The following LAMA3 variants were observed in gnomAD, a reference collection of about 807,000 sequenced individuals.
LAMA3 encodes laminin subunit alpha-3.
In LAMA3, 281 loss-of-function variants were observed where a neutral mutation model predicts 402.0. The observed-to-expected ratio is 0.70, with a 90% CI of 0.63 to 0.77. The LOEUF (loss-of-function observed/expected upper bound fraction) is 0.77. Ranked by LOEUF, LAMA3 falls within the 30% of genes least tolerant of loss-of-function variation. The pLI is 0.00. For synonymous variants in LAMA3, 1,431 were observed against 1,558.4 expected, an observed-to-expected ratio of 0.92 and a Z score of 1.93; for missense variants, 3,840 against 4,215.5, an observed-to-expected ratio of 0.91 and a Z score of 2.47.
At chr18:23,909,495 G>C (rs1168060548) in intron 55 of LAMA3, among the ~76,000 whole-genome samples, 200 bp downstream of exon 55, 1 of 152,100 alleles carries the variant, frequency 6.6e-6, no homozygotes, top group African/African-American at 2.4e-5. Flanking sequence ...TACATTATCT[G>C]GTATATCAGG....
At chr18:23,891,641 G>A (rs1029773224) in intron 42 of LAMA3, among the ~76,000 whole-genome samples, 1 of 152,206 alleles carries the variant, frequency 6.6e-6, no homozygotes, top group African/African-American at 2.4e-5. Context: ...AAGGATAAGG[G>A]TGTGGTCCTG....
intron 43 of LAMA3, 27 bp downstream of exon 43, chr18:23,894,375 C>CTT (rs745784927): frequency 6.3e-7 from 1 of 1,595,078 alleles, no homozygotes; most frequent in Non-Finnish European, 8.6e-7. Flanking sequence ...CCTCCTCCTC[C>CTT]TTTCCAAGTT....
chr18:23,878,342 G>A (rs1005291381), intron 39 of LAMA3, among the ~76,000 whole-genome samples: 1 of 152,176 alleles, frequency 6.6e-6, no homozygotes, highest in African/African-American at 2.4e-5. Flanking sequence ...TGGCCATGTG[G>A]CCGCCAGAGA....
At chr18:23,863,417 C>T (rs1279985861) in intron 35 of LAMA3, among the ~76,000 whole-genome samples, 1 of 152,196 alleles carries the variant, frequency 6.6e-6, no homozygotes, top group Non-Finnish European at 1.5e-5. Context: ...TGGACTCCAG[C>T]CTGGGCGACA....
chr18:23,929,571 C>T (rs911043647), intron 64 of LAMA3, among the ~76,000 whole-genome samples: 1 of 149,470 alleles, frequency 6.7e-6, no homozygotes, highest in Admixed American at 6.7e-5. Context: ...CTAGGAAGGC[C>T]GCCCCTCTCT....
In LAMA3 at chr18:23,918,204, C is replaced by T. The variant is rs1373945705; in HGVS notation, c.7923+1509C>T. ...TTGTCGAAGATCAGATGGTTGTAGG[C>T]GTGTGGCTTTATCTCTGGGCTCTCT... On this transcript the variant is annotated intron_variant, in intron 60 of 74. Transcript: ENST00000313654. This position sits in a 1 kb window ranked among gnomAD's most constrained non-coding sequence, Gnocchi z 4.1. 6.6e-6 allele frequency among the ~76,000 whole-genome samples: 1 copy of T among 152,042 alleles called. No homozygotes were observed. Among genetic ancestry groups the T allele is most frequent in the Non-Finnish European group, 1.5e-5 (1 of 68,000 alleles).
At chr18:23,915,973 T>A (rs1483153221) in intron 59 of LAMA3, among the ~76,000 whole-genome samples, 2 of 117,018 alleles carry the variant, frequency 1.7e-5, no homozygotes, top group Middle Eastern at 8.5e-3. Context: ...GCCACTGCAC[T>A]CCAGCCTGGG....
At chr18:23,856,896 C>G (rs1417263825) in intron 32 of LAMA3, among the ~76,000 whole-genome samples, 1 of 152,142 alleles carries the variant, frequency 6.6e-6, no homozygotes, top group Admixed American at 6.5e-5. Flanking sequence ...TAGGTTAGCC[C>G]CCAGTCTCTC....
intron 13 of LAMA3, among the ~76,000 whole-genome samples, chr18:23,812,015 A>C (rs1433453772): frequency 6.6e-6 from 1 of 151,990 alleles, no homozygotes; most frequent in African/African-American, 2.4e-5. Flanking sequence ...CTGGGATTAC[A>C]GGCATGTGCC....
chr18:23,751,107 T>C lies in LAMA3; in HGVS notation c.855+19T>C. On this transcript the variant is annotated intron_variant, in intron 5 of 74. Transcript: ENST00000313654. ...TCGGCGGGTGAGTAGTCAGAGCATTTGTTTTGTTACTTTATTTATTCATTT... is the reference window on the plus strand; with the variant it reads ...TCGGCGGGTGAGTAGTCAGAGCATTCGTTTTGTTACTTTATTTATTCATTT... The C allele has an allele frequency of 6.2e-7, 1 of 1,613,946 alleles. No individual in the cohort carries two copies. Among genetic ancestry groups the C allele is most frequent in the South Asian group, 1.1e-5 (1 of 91,074 alleles).
At chr18:23,837,349 C>A in intron 25 of LAMA3, 1 of 444,002 alleles carries the variant, frequency 2.3e-6, no homozygotes, top group Non-Finnish European at 4.1e-6. Flanking sequence ...TTCATTTCTA[C>A]TATTATAAAG....
chr18:23,720,166 G>A (rs1347379665), intron 2 of LAMA3, among the ~76,000 whole-genome samples: 2 of 152,148 alleles, frequency 1.3e-5, no homozygotes, highest in African/African-American at 4.8e-5. Flanking sequence ...GAAACATATT[G>A]CTGTGAGACC....
chr18:23,777,653 A>G lies in LAMA3; in HGVS notation c.1468+34A>G, dbSNP rs907606216. 6 of 1,432,212 alleles carry G rather than the reference A, an allele frequency of 4.2e-6. No homozygotes were observed. In the Admixed American group the frequency reaches 1.0e-4, roughly 24 times the overall value. The allele number at this position is 1,432,212 out of a possible 1,614,324, so 88.7% of individuals were successfully genotyped here. On this transcript the variant is annotated intron_variant, in intron 11 of 74. Coordinates refer to ENST00000313654, the MANE Select transcript of LAMA3 (RefSeq NM_198129.4). Reference sequence around the variant, plus strand: ...CCTCCCTTTTGGTTTAACTCCAGTGAAAATGTTATGCCCTTATTCTTTTCC... The same window carrying G: ...CCTCCCTTTTGGTTTAACTCCAGTGGAAATGTTATGCCCTTATTCTTTTCC...
intron 39 of LAMA3, among the ~76,000 whole-genome samples, chr18:23,877,058 A>C (rs2064745547): frequency 6.6e-6 from 1 of 152,146 alleles, no homozygotes; most frequent in Admixed American, 6.5e-5. Context: ...CAACAACAAC[A>C]ACAACAAACA....
intron 5 of LAMA3, 42 bp downstream of exon 5, chr18:23,751,130 T>C (rs867449484): frequency 1.9e-6 from 3 of 1,599,462 alleles, no homozygotes; most frequent in Admixed American, 1.7e-5. Flanking sequence ...TATTTATTCA[T>C]TTTTTTGGCT....
At chr18:23,695,397 A>T (rs774992800) in intron 1 of LAMA3, among the ~76,000 whole-genome samples, 1 of 152,202 alleles carries the variant, frequency 6.6e-6, no homozygotes, top group East Asian at 1.9e-4. Context: ...GGGACCCTGC[A>T]TGAGGCTCTG....
chr18:23,877,446 G>A (rs2064758671), intron 39 of LAMA3, among the ~76,000 whole-genome samples: 1 of 152,196 alleles, frequency 6.6e-6, no homozygotes, highest in Non-Finnish European at 1.5e-5. Context: ...CAGTGAAAAA[G>A]AGGGAGCATA....
chr18:23,865,993 C>T lies in LAMA3; in HGVS notation c.4683+1110C>T, dbSNP rs146918039. On this transcript the variant is annotated intron_variant, in intron 36 of 74. Transcript: ENST00000313654. ...GATAATAGGCATGGGCCACCATGCC[C>T]GGCTAATTTTTGTATTTTCTTTAGA... is the stretch of plus-strand genomic sequence containing the variant. Among the ~76,000 whole-genome samples the T allele has an allele frequency of 2.1e-3, 313 of 152,280 alleles. 3 individuals carry two copies. The East Asian group carries it at 0.03, about 15-fold the overall frequency.
intron 23 of LAMA3, among the ~76,000 whole-genome samples, chr18:23,833,405 A>C (rs1467656515): frequency 6.6e-6 from 1 of 151,598 alleles, no homozygotes; most frequent in African/African-American, 2.4e-5. Context: ...AAAAAAAAAC[A>C]ATTAAAGAGC....
Sources: gnomAD v4.1 joint callset for allele counts (sites outside exome capture counted in the v4.1 genomes callset) on GRCh38, gnomAD v4.1.1 for gene constraint, Gnocchi (gnomAD v3.1) non-coding constraint, MANE v1.5 for transcripts, NCBI Gene and HGNC (gene_info 2026-07-23, HGNC 2026-07-21) for gene names.